CCDC170: variants seen among roughly 807,000 people sequenced by gnomAD.
The protein encoded by CCDC170 is coiled-coil domain-containing protein 170.
CCDC170 carries 69 observed loss-of-function variants against 72.6 expected under a neutral mutation model. The observed-to-expected ratio is 0.95, with a 90% confidence interval of 0.78 to 1.16. The LOEUF is 1.16. Among genes scored for constraint, CCDC170 ranks in the 50% most tolerant of loss-of-function variants. The probability of loss-of-function intolerance (pLI) is 0.00; values close to 1 mark genes in which losing one functional copy is unlikely to be tolerated. For synonymous variants in CCDC170, 300 were observed against 303.9 expected (o/e 0.99, Z 0.13); for missense variants, 852 against 832.5 (o/e 1.02, Z -0.29).
At chr6:151,500,028 C>T (rs1372674119) in intron 1 of CCDC170, among the ~76,000 whole-genome samples, 4 of 152,124 alleles carry the variant, frequency 2.6e-5, no homozygotes, top group East Asian at 3.8e-4. Context: ...CCACTGTTTC[C>T]GTAGTGGCTG....
intron 1 of CCDC170, among the ~76,000 whole-genome samples, chr6:151,523,308 T>G (rs954238): frequency 6.6e-6 from 1 of 151,990 alleles, no homozygotes; most frequent in Non-Finnish European, 1.5e-5. Flanking sequence ...ATTTAGTGCA[T>G]CACAGAAGCT....
chr6:151,570,646 C>T (rs542262908), intron 5 of CCDC170, among the ~76,000 whole-genome samples: 78 of 152,196 alleles, frequency 5.1e-4, no homozygotes, highest in African/African-American at 1.9e-3. Flanking sequence ...GTCCTAGAAC[C>T]AATTCCCCAA....
intron 1 of CCDC170, among the ~76,000 whole-genome samples, chr6:151,501,386 G>A (rs780955757): frequency 5.3e-5 from 8 of 152,170 alleles, no homozygotes; most frequent in Non-Finnish European, 8.8e-5. Context: ...CAATGTCAAT[G>A]TCTTGGTTTT....
At chr6:151,537,176 G>A (rs1451920949) in intron 2 of CCDC170, among the ~76,000 whole-genome samples, 1 of 152,158 alleles carries the variant, frequency 6.6e-6, no homozygotes, top group Non-Finnish European at 1.5e-5. Flanking sequence ...GAAGAAGAGT[G>A]GGATCCATCT....
chr6:151,551,052 A>C (rs1391943244), intron 5 of CCDC170, among the ~76,000 whole-genome samples: 1 of 152,120 alleles, frequency 6.6e-6, no homozygotes, highest in Admixed American at 6.6e-5. Flanking sequence ...ATTATTTTTC[A>C]CCAACATTGT....
chr6:151,599,381 G>A (rs1000240843), intron 9 of CCDC170, among the ~76,000 whole-genome samples: 4 of 152,162 alleles, frequency 2.6e-5, no homozygotes, highest in Middle Eastern at 3.2e-3. Context: ...ATGGTATTTG[G>A]TACAACATTG....
intron 10 of CCDC170, 66 bp downstream of exon 10, chr6:151,615,745 T>A: frequency 9.0e-7 from 1 of 1,112,742 alleles, no homozygotes; most frequent in Non-Finnish European, 1.3e-6. Flanking sequence ...AGCTTGATAT[T>A]AATACTTATT....
At chr6:151,568,105 GAAAAAA>G (rs771627857) in intron 5 of CCDC170, among the ~76,000 whole-genome samples, 2 of 38,266 alleles carry the variant, frequency 5.2e-5, no homozygotes, top group African/African-American at 8.6e-5. Context: ...GTGAGACTCT[GAAAAAA>G]AAAAAAAAAA....
chr6:151,513,283 C>A (rs1360656044), intron 1 of CCDC170, among the ~76,000 whole-genome samples: 1 of 152,060 alleles, frequency 6.6e-6, no homozygotes, highest in Non-Finnish European at 1.5e-5. Context: ...TTTTAAAAAG[C>A]ACATGATATA....
intron 1 of CCDC170, among the ~76,000 whole-genome samples, chr6:151,497,337 C>T (rs1368341056): frequency 1.3e-5 from 2 of 151,952 alleles, no homozygotes; most frequent in Non-Finnish European, 2.9e-5. Flanking sequence ...GCCTTGATCG[C>T]ACTACTGCAC....
chr6:151,606,653 T>A (rs1420524281), intron 9 of CCDC170, among the ~76,000 whole-genome samples: 1 of 152,174 alleles, frequency 6.6e-6, no homozygotes, highest in African/African-American at 2.4e-5. Context: ...CATAGTATAG[T>A]TTATGTCCAA....
chr6:151,505,107 G>C (rs944595811), intron 1 of CCDC170, among the ~76,000 whole-genome samples: 2 of 152,154 alleles, frequency 1.3e-5, no homozygotes, highest in East Asian at 3.9e-4. Flanking sequence ...GGAGCTGCCC[G>C]CTGGCCTCCT....
intron 5 of CCDC170, among the ~76,000 whole-genome samples, chr6:151,555,172 G>T (rs562324540): frequency 6.6e-6 from 1 of 151,842 alleles, no homozygotes; most frequent in African/African-American, 2.4e-5. Flanking sequence ...GTGAGCCACC[G>T]TGCCCAGCCT....
chr6:151,507,867 G>A (rs1179433569), intron 1 of CCDC170, among the ~76,000 whole-genome samples: 4 of 151,512 alleles, frequency 2.6e-5, no homozygotes, highest in Non-Finnish European at 5.9e-5. Flanking sequence ...GTTGCAGTGA[G>A]CCGAGATCGT....
chr6:151,618,778 AG>A lies in CCDC170; in HGVS notation c.*633del, dbSNP rs1198189085. The A allele has an allele frequency of 6.5e-6, 1 of 152,866 alleles. No individual in the cohort carries two copies. The highest frequency in any genetic ancestry group is 1.5e-5 in the Non-Finnish European group (1 of 68,532). The allele number at this position is 152,866 out of a possible 1,614,324, so 9.5% of individuals were successfully genotyped here. A position where few individuals can be genotyped will look rare whatever the true frequency, so the allele number is the denominator to read the frequency against. ...GTAATCCCAGCACTTTGGGAGTCCA[AG>A]GCAGGCATATCATTTGAGGTCAGGA... On this transcript the variant is annotated 3_prime_UTR_variant, in exon 11 of 11. Coordinates refer to ENST00000239374, the MANE Select transcript of CCDC170 (RefSeq NM_025059.4).
chr6:151,538,853 T>C (rs1358184212), intron 3 of CCDC170, among the ~76,000 whole-genome samples: 1 of 152,230 alleles, frequency 6.6e-6, no homozygotes, highest in Non-Finnish European at 1.5e-5. Context: ...GTTAAATATC[T>C]TTAGTAACAA....
At chr6:151,549,016 CAGCCTCCCGAGT>C in intron 5 of CCDC170, among the ~76,000 whole-genome samples, 1 of 152,282 alleles carries the variant, frequency 6.6e-6, no homozygotes, top group East Asian at 1.9e-4. Flanking sequence ...TCTCTCACCT[CAGCCTCCCGAGT>C]AGCTGGGACT....
intron 1 of CCDC170, 127 bp from the exon 2 acceptor site, chr6:151,536,191 C>T (rs768282368): frequency 1.9e-5 from 21 of 1,082,858 alleles, no homozygotes; most frequent in Admixed American, 8.0e-5. Flanking sequence ...CACTTCTCTG[C>T]GTAGCATGTT....
At chr6:151,521,134 A>C (rs1439142777) in intron 1 of CCDC170, among the ~76,000 whole-genome samples, 1 of 152,134 alleles carries the variant, frequency 6.6e-6, no homozygotes, top group African/African-American at 2.4e-5. Flanking sequence ...GATTTTGTTC[A>C]TTGGCTTCTG....
Sources: allele counts gnomAD v4.1 joint callset (sites outside exome capture counted in the v4.1 genomes callset), GRCh38; gene constraint gnomAD v4.1.1; transcripts MANE v1.5; gene names NCBI Gene and HGNC (gene_info 2026-07-23, HGNC 2026-07-21).